MYZAP: variants seen among roughly 807,000 people sequenced by gnomAD.
The protein encoded by MYZAP is GRINL1A complex locus upstream.
MYZAP carries 66 observed loss-of-function variants against 69.4 expected under a neutral mutation model. The observed-to-expected ratio is 0.95, with a 90% CI of 0.78 to 1.17. MYZAP has a LOEUF of 1.17. Ranked by LOEUF, MYZAP falls within the 50% of genes most tolerant of loss-of-function variation. The pLI is 0.00. For missense variants in MYZAP, 611 were observed against 556.2 expected, an observed-to-expected ratio of 1.10 and a Z score of -0.99; for synonymous variants, 256 against 205.9, an observed-to-expected ratio of 1.24 and a Z score of -2.09.
intron 5 of MYZAP, among the ~76,000 whole-genome samples, chr15:57,627,124 C>G (rs1020957889): frequency 2.0e-5 from 3 of 152,134 alleles, no homozygotes; most frequent in Non-Finnish European, 2.9e-5. Context: ...GGTATTTGTA[C>G]TACATCTCTG....
chr15:57,601,501 A>G (rs554944939), intron 1 of MYZAP, among the ~76,000 whole-genome samples: 1 of 152,008 alleles, frequency 6.6e-6, no homozygotes. Flanking sequence ...CTCTGGAGGG[A>G]CTCAAGATTC....
At chr15:57,618,411 T>G (rs958657742) in intron 3 of MYZAP, among the ~76,000 whole-genome samples, 2 of 152,236 alleles carry the variant, frequency 1.3e-5, no homozygotes, top group East Asian at 3.8e-4. Flanking sequence ...TGGATGTTAC[T>G]AGGTAAGTAT....
intron 6 of MYZAP, among the ~76,000 whole-genome samples, chr15:57,630,302 G>A (rs2036426128): frequency 6.6e-6 from 1 of 151,532 alleles, no homozygotes; most frequent in African/African-American, 2.4e-5. Flanking sequence ...CCCCCATTGG[G>A]CATGCCTTTC....
intron 12 of MYZAP, among the ~76,000 whole-genome samples, chr15:57,678,255 A>C (rs2039243449): frequency 6.6e-6 from 1 of 151,850 alleles, no homozygotes; most frequent in Non-Finnish European, 1.5e-5. Flanking sequence ...CCAGCTACTC[A>C]GGAGGCTGAG....
intron 2 of MYZAP, among the ~76,000 whole-genome samples, chr15:57,610,536 G>C (rs1320807836): frequency 6.6e-6 from 1 of 152,198 alleles, no homozygotes; most frequent in East Asian, 1.9e-4. Context: ...CCTAGAGTTT[G>C]AGTCCCGGCT....
At chr15:57,622,697 G>A (rs907300142) in intron 4 of MYZAP, among the ~76,000 whole-genome samples, 1 of 152,104 alleles carries the variant, frequency 6.6e-6, no homozygotes, top group Non-Finnish European at 1.5e-5. Context: ...CTTATACCTG[G>A]CTAAATTCCT....
chr15:57,649,616 A>T (rs187894800), intron 10 of MYZAP, among the ~76,000 whole-genome samples: 2 of 152,136 alleles, frequency 1.3e-5, no homozygotes, highest in Admixed American at 1.3e-4. Flanking sequence ...TTTATCGAAA[A>T]CTATTTGGGT....
chr15:57,677,411 C>G (rs1449482073), intron 12 of MYZAP, among the ~76,000 whole-genome samples: 1 of 152,182 alleles, frequency 6.6e-6, no homozygotes, highest in African/African-American at 2.4e-5. Context: ...TCAAGTGATT[C>G]ACTGGAAGCC....
intron 2 of MYZAP, among the ~76,000 whole-genome samples, chr15:57,613,858 T>C (rs1249437904): frequency 6.6e-6 from 1 of 152,214 alleles, no homozygotes; most frequent in Non-Finnish European, 1.5e-5. Flanking sequence ...CATGTTTCTC[T>C]AAAAGAGACT....
intron 12 of MYZAP, among the ~76,000 whole-genome samples, chr15:57,679,500 G>C (rs748374804): frequency 6.6e-6 from 1 of 151,926 alleles, no homozygotes; most frequent in Non-Finnish European, 1.5e-5. Flanking sequence ...GCACATACTA[G>C]GCACTCAATA....
chr15:57,623,745 T>A lies in MYZAP; in HGVS notation c.412-2034T>A, dbSNP rs1238296958. ...GAGACCCTGTTTCAAAAAAAAAAAA[T>A]AAGGGAAAGTAAGATAAACGATGTA... On this transcript the variant is annotated intron_variant, in intron 4 of 12. Transcript: ENST00000267853. 3.2e-3 allele frequency among the ~76,000 whole-genome samples: 360 copies of A among 113,830 alleles called. 2 individuals carry two copies. Among genetic ancestry groups the A allele is most frequent in the African/African-American group, 9.3e-3 (276 of 29,780 alleles). 74.7% of individuals were successfully genotyped at this position (113,830 alleles called of 152,430 possible).
At chr15:57,608,482 C>G (rs185164544) in intron 2 of MYZAP, among the ~76,000 whole-genome samples, 146 of 152,294 alleles carry the variant, frequency 9.6e-4, no homozygotes, top group Middle Eastern at 3.4e-3. Context: ...TTTCCTATCC[C>G]TAAGGCAGAT....
chr15:57,664,016 C>G (rs1276687240), intron 11 of MYZAP, among the ~76,000 whole-genome samples: 1 of 151,196 alleles, frequency 6.6e-6, no homozygotes, highest in Non-Finnish European at 1.5e-5. Flanking sequence ...TAAACCTATT[C>G]TAAAATACTA....
chr15:57,596,153 G>A (rs766864802), intron 1 of MYZAP, among the ~76,000 whole-genome samples: 1 of 152,168 alleles, frequency 6.6e-6, no homozygotes, highest in Non-Finnish European at 1.5e-5. Flanking sequence ...GAGATCCCAT[G>A]GCTTTTCTAC....
chr15:57,625,939 G>A, intron 5 of MYZAP, 47 bp downstream of exon 5: 1 of 1,542,670 alleles, frequency 6.5e-7, no homozygotes, highest in Non-Finnish European at 9.0e-7. Context: ...GCTTAATCAA[G>A]AGTGGGGACT....
chr15:57,631,738 T>C (rs888248704), intron 6 of MYZAP, among the ~76,000 whole-genome samples: 3 of 152,220 alleles, frequency 2.0e-5, no homozygotes, highest in Admixed American at 1.3e-4. Flanking sequence ...TCATGTAACC[T>C]ATTGAGTTTG....
Position 57,654,032 on chromosome 15 carries a change from A to AT in MYZAP, c.1120-7418_1120-7417insT, listed in dbSNP as rs398027468. 2.4e-3 allele frequency among the ~76,000 whole-genome samples: 42 copies of AT among 17,814 alleles called. 1 individual carries two copies. Among genetic ancestry groups the AT allele is most frequent in the African/African-American group, 4.2e-3 (42 of 10,006 alleles). The allele number at this position is 17,814 out of a possible 152,430, so 11.7% of individuals were successfully genotyped here. A position where few individuals can be genotyped will look rare whatever the true frequency, so the allele number is the denominator to read the frequency against. On this transcript the variant is annotated intron_variant, in intron 10 of 12. Coordinates refer to ENST00000267853, the MANE Select transcript of MYZAP (RefSeq NM_001018100.5). ...AAAAAAAAAAAAAAAAAAAAAAAAAAGTCCCTATTTAGAGGTTAGAGGTTA... is the reference window on the plus strand; with the variant it reads ...AAAAAAAAAAAAAAAAAAAAAAAAAATGTCCCTATTTAGAGGTTAGAGGTTA...
At chr15:57,604,651 T>C (rs999406438) in intron 2 of MYZAP, among the ~76,000 whole-genome samples, 9 of 152,044 alleles carry the variant, frequency 5.9e-5, no homozygotes, top group African/African-American at 2.2e-4. Flanking sequence ...GCGGGGAACG[T>C]GGGTTTTCCT....
intron 1 of MYZAP, among the ~76,000 whole-genome samples, chr15:57,601,414 G>A (rs2140326276): frequency 6.6e-6 from 1 of 152,192 alleles, no homozygotes; most frequent in East Asian, 1.9e-4. Flanking sequence ...TGTGGTCTGA[G>A]TTACACTTTG....
Sources: allele counts gnomAD v4.1 joint callset (sites outside exome capture counted in the v4.1 genomes callset), GRCh38; gene constraint gnomAD v4.1.1; transcripts MANE v1.5; gene names NCBI Gene and HGNC (gene_info 2026-07-23, HGNC 2026-07-21).